Variants in CCDC171 observed in about 807,000 individuals in gnomAD.
The protein encoded by CCDC171 is coiled-coil domain-containing protein 171.
CCDC171 carries 177 observed loss-of-function variants against 168.2 expected under a neutral mutation model. The observed-to-expected ratio is 1.05, with a 90% CI of 0.93 to 1.19. The LOEUF (loss-of-function observed/expected upper bound fraction) is 1.19. Among genes scored for constraint, CCDC171 ranks in the 50% most tolerant of loss-of-function variants. The pLI is 0.00. For missense variants in CCDC171, 1,991 were observed against 1,539.0 expected, an observed-to-expected ratio of 1.29 and a Z score of -4.91; for synonymous variants, 687 against 540.8, an observed-to-expected ratio of 1.27 and a Z score of -3.75.
chr9:15,634,737 C>T (rs925082658), intron 7 of CCDC171, among the ~76,000 whole-genome samples: 5 of 152,208 alleles, frequency 3.3e-5, no homozygotes, highest in Non-Finnish European at 7.3e-5. Context: ...GCAACCATTA[C>T]TATAATCCAT....
chr9:15,598,002 G>C (rs936076251), intron 6 of CCDC171, among the ~76,000 whole-genome samples: 3 of 151,894 alleles, frequency 2.0e-5, no homozygotes, highest in East Asian at 3.9e-4. Flanking sequence ...TCCCCTTTAT[G>C]ATTTTTTATT....
Position 15,889,866 on chromosome 9 carries a change from CTTG to C in CCDC171, c.3600+15208_3600+15210del, listed in dbSNP as rs758178052. Among the ~76,000 whole-genome samples the C allele has an allele frequency of 5.3e-5, 8 of 152,194 alleles. No homozygotes were observed. In the South Asian group the frequency reaches 6.2e-4, roughly 12 times the overall value. On this transcript the variant is annotated intron_variant, in intron 24 of 25. Coordinates refer to ENST00000380701, the MANE Select transcript of CCDC171 (RefSeq NM_173550.4). ...ACTCTAGATAGAGAGAGGAAGTCCT[CTTG>C]TTGTGAGTCCAGTGGCTTGGTGGTT...
At chr9:16,041,693 A>G (rs1048297789), upstream of CCDC171, among the ~76,000 whole-genome samples, 3 of 152,236 alleles carry the variant, frequency 2.0e-5, no homozygotes, top group African/African-American at 7.2e-5. Flanking sequence ...AAGAGGGCTT[A>G]TCGAAATTTC....
chr9:15,697,947 A>G (rs566354598), intron 11 of CCDC171, among the ~76,000 whole-genome samples: 20 of 152,318 alleles, frequency 1.3e-4, no homozygotes, highest in African/African-American at 4.3e-4. Context: ...ATGTGTAATC[A>G]TCAAATCAGG....
At chr9:15,855,932 G>C (rs558096520) in intron 23 of CCDC171, among the ~76,000 whole-genome samples, 1 of 151,894 alleles carries the variant, frequency 6.6e-6, no homozygotes, top group South Asian at 2.1e-4. Context: ...TAAATCTATA[G>C]AAGAAAAAGA....
At position 15,817,290 on chromosome 9, in the gene CCDC171, C is replaced by A. The variant is rs974137959; in HGVS notation, c.3268-29412C>A. Among the ~76,000 whole-genome samples, 14 of 117,786 alleles carry A rather than the reference C, an allele frequency of 1.2e-4. 5 individuals are homozygous for A. The highest frequency in any genetic ancestry group is 2.1e-4 in the Non-Finnish European group (11 of 52,368). 77.3% of individuals were successfully genotyped at this position (117,786 alleles called of 152,430 possible). ...GAGCGACGCAGAAGATGGGTGATTTCTGCATTTCCAACTGAGGTAACGGGT... is the reference window on the plus strand; with the variant it reads ...GAGCGACGCAGAAGATGGGTGATTTATGCATTTCCAACTGAGGTAACGGGT... On this transcript the variant is annotated intron_variant, in intron 21 of 25. Coordinates refer to ENST00000380701, the MANE Select transcript of CCDC171 (RefSeq NM_173550.4).
At chr9:15,795,226 C>T (rs886650655) in intron 21 of CCDC171, among the ~76,000 whole-genome samples, 1 of 152,080 alleles carries the variant, frequency 6.6e-6, no homozygotes, top group Non-Finnish European at 1.5e-5. Context: ...GGAAGGGGGC[C>T]AAACCCATCC....
chr9:15,961,389 G>A (rs1589256467), intron 25 of CCDC171, among the ~76,000 whole-genome samples: 1 of 152,170 alleles, frequency 6.6e-6, no homozygotes, highest in Admixed American at 6.5e-5. Flanking sequence ...GACCACAGAA[G>A]TCGTAATTTG....
intron 5 of CCDC171, among the ~76,000 whole-genome samples, chr9:15,592,114 G>A (rs1234034805): frequency 2.0e-5 from 3 of 150,742 alleles, no homozygotes. Flanking sequence ...TAGATTTTGA[G>A]TTGTCTATAT....
At chr9:15,601,214 C>T (rs929172433) in intron 6 of CCDC171, among the ~76,000 whole-genome samples, 3 of 152,190 alleles carry the variant, frequency 2.0e-5, no homozygotes, top group African/African-American at 7.2e-5. Flanking sequence ...AATCATTCGT[C>T]TTTTGCATCG....
intron 21 of CCDC171, among the ~76,000 whole-genome samples, chr9:15,829,188 C>T (rs1246134338): frequency 2.0e-5 from 3 of 152,168 alleles, no homozygotes; most frequent in African/African-American, 7.2e-5. Context: ...ACCGTTTCCT[C>T]AGGTAGTAAA....
intron 1 of CCDC171, among the ~76,000 whole-genome samples, chr9:16,045,342 G>A (rs1029049019): frequency 3.3e-5 from 5 of 152,196 alleles, no homozygotes; most frequent in Admixed American, 1.3e-4. Flanking sequence ...CACAGCCCAG[G>A]AGGCTTGTCA....
intron 4 of CCDC171, among the ~76,000 whole-genome samples, chr9:15,581,834 GA>G (rs2041145868): frequency 6.6e-6 from 1 of 152,078 alleles, no homozygotes; most frequent in Non-Finnish European, 1.5e-5. Context: ...AACCCTAGTA[GA>G]AAACCTAGGC....
In CCDC171 at chr9:15,713,593, C is replaced by T. The variant is rs2052848382; in HGVS notation, c.1319-8176C>T. Among the ~76,000 whole-genome samples the T allele has an allele frequency of 2.0e-5, 3 of 152,090 alleles. No homozygotes were observed. In the East Asian group the frequency reaches 5.8e-4, roughly 29 times the overall value. On this transcript the variant is annotated intron_variant, in intron 11 of 25. Transcript: ENST00000380701. Reference sequence around the variant, plus strand: ...CATGGTGAATTGTTGGCCATGTATTCAGTATCTGCTGAGGACCAGTAGCAA... The same window carrying T: ...CATGGTGAATTGTTGGCCATGTATTTAGTATCTGCTGAGGACCAGTAGCAA...
chr9:15,699,024 C>T (rs561663046), intron 11 of CCDC171, among the ~76,000 whole-genome samples: 94 of 152,184 alleles, frequency 6.2e-4, no homozygotes, highest in African/African-American at 2.2e-3. Context: ...ATATTGTGTC[C>T]GGAATTGGTG....
rs147551687 is a variant in CCDC171 at position 15,669,090 on chromosome 9, C to T, written c.1076+2767C>T. ...AAGCTTCTGTTTCTTGCCAGGCAGA[C>T]CTCGGCAGGATCTCACTAAAGGCAG... On this transcript the variant is annotated intron_variant, in intron 9 of 25. Coordinates refer to ENST00000380701, the MANE Select transcript of CCDC171 (RefSeq NM_173550.4). 2.9e-3 allele frequency among the ~76,000 whole-genome samples: 434 copies of T among 152,238 alleles called. 5 individuals are homozygous for T. Among genetic ancestry groups the T allele is most frequent in the African/African-American group, 0.01 (417 of 41,544 alleles).
rs2040898294 is a variant in CCDC171, at chr9:15,578,935, A to G, written c.264A>G (p.Leu88=). The change falls in exon 4 of 26, where the codon CTA becomes CTG. Residue 88 remains leucine, a synonymous_variant. Transcript: ENST00000380701. ...EALRQSLEYD[L]AVARKEAGLG... is the part of the protein sequence containing the mutation. The stretch of plus-strand genomic sequence containing the variant: ...TGCGACAAAGTCTGGAATATGACCT[A>G]GCTGTTGCTAGAAAGGAAGCTGGTC... 1.9e-6 allele frequency: 3 copies of G among 1,614,062 alleles called. No individual in the cohort carries two copies. The highest frequency in any genetic ancestry group is 2.5e-6 in the Non-Finnish European group (3 of 1,179,922).
At chr9:16,000,287 C>T (rs1436006343) in intron 3 of CCDC171, among the ~76,000 whole-genome samples, 4 of 152,054 alleles carry the variant, frequency 2.6e-5, no homozygotes, top group Admixed American at 6.6e-5. Context: ...CCGTATTATT[C>T]TCTATAGAAT....
chr9:15,846,231 T>C (rs1030573591), intron 21 of CCDC171, among the ~76,000 whole-genome samples: 1 of 152,116 alleles, frequency 6.6e-6, no homozygotes, highest in Admixed American at 6.6e-5. Context: ...TGGTACTCTT[T>C]CATCTTGGGT....
Sources: gnomAD v4.1 joint callset for allele counts (sites outside exome capture counted in the v4.1 genomes callset) on GRCh38, gnomAD v4.1.1 for gene constraint, MANE v1.5 for transcripts, NCBI Gene and HGNC (gene_info 2026-07-23, HGNC 2026-07-21) for gene names.